Variants in PTPRT observed in about 807,000 individuals in gnomAD.
PTPRT encodes the protein receptor-type tyrosine-protein phosphatase T.
In PTPRT, 56 loss-of-function variants were observed where a neutral mutation model predicts 176.8. The ratio of observed to expected loss-of-function variants is 0.32; its 90% CI spans 0.26 to 0.40. PTPRT has a LOEUF of 0.40. Ranked by LOEUF, PTPRT falls within the 10% of genes least tolerant of loss-of-function variation. The probability of loss-of-function intolerance (pLI) is 1.00; values close to 1 mark genes in which losing one functional copy is unlikely to be tolerated. For synonymous variants in PTPRT, 783 were observed against 739.0 expected, an observed-to-expected ratio of 1.06 and a Z score of -0.96; for missense variants, 1,540 against 1,908.2, an observed-to-expected ratio of 0.81 and a Z score of 3.60.
chr20:42,846,245 G>GAA (rs1433541972), intron 2 of PTPRT, among the ~76,000 whole-genome samples: 1 of 152,204 alleles, frequency 6.6e-6, no homozygotes, highest in East Asian at 1.9e-4. Context: ...TCCTCATGCA[G>GAA]AAAGCAGCTC....
intron 9 of PTPRT, among the ~76,000 whole-genome samples, chr20:42,388,853 T>C (rs548092209): frequency 2.0e-5 from 3 of 152,318 alleles, no homozygotes; most frequent in Non-Finnish European, 2.9e-5. Context: ...CTATTCACTA[T>C]GGCAAAGACT....
At chr20:42,570,066 G>A (rs2073127439) in intron 7 of PTPRT, among the ~76,000 whole-genome samples, 1 of 152,180 alleles carries the variant, frequency 6.6e-6, no homozygotes, top group African/African-American at 2.4e-5. Context: ...ACAGGCTTCT[G>A]CTACCCCACA....
intron 16 of PTPRT, among the ~76,000 whole-genome samples, chr20:42,172,802 G>A (rs1990133256): frequency 7.0e-6 from 1 of 142,106 alleles, no homozygotes; most frequent in Admixed American, 7.3e-5. Context: ...ATGCAGAAAT[G>A]GTTACATCAC....
intron 7 of PTPRT, among the ~76,000 whole-genome samples, chr20:42,621,376 A>G (rs1052891060): frequency 3.9e-5 from 6 of 152,184 alleles, no homozygotes; most frequent in African/African-American, 1.4e-4. Flanking sequence ...GGTCTCTCCA[A>G]CAACCTCCTG....
intron 1 of PTPRT, among the ~76,000 whole-genome samples, chr20:43,106,150 G>A (rs2012595023): frequency 6.6e-6 from 1 of 152,092 alleles, no homozygotes; most frequent in African/African-American, 2.4e-5. Flanking sequence ...AGAGGTCAAA[G>A]GGTCTCTCCT....
intron 1 of PTPRT, among the ~76,000 whole-genome samples, chr20:42,981,493 A>C (rs1216305024): frequency 6.6e-6 from 1 of 152,232 alleles, no homozygotes; most frequent in Non-Finnish European, 1.5e-5. Flanking sequence ...CAGAGGCTTG[A>C]AGAAGTACTT....
chr20:42,049,013 G>A, the PTPRT span, among the ~76,000 whole-genome samples: 1 of 152,100 alleles, frequency 6.6e-6, no homozygotes, highest in Non-Finnish European at 1.5e-5. Flanking sequence ...TAGAGATGGG[G>A]TTTCACCATG....
chr20:43,085,027 A>G (rs564635088), intron 1 of PTPRT, among the ~76,000 whole-genome samples: 1 of 152,362 alleles, frequency 6.6e-6, no homozygotes, highest in South Asian at 2.1e-4. Flanking sequence ...ATGATTAGAT[A>G]CCAAAGCTTC....
At chr20:42,669,291 G>GT (rs2075373734) in intron 7 of PTPRT, among the ~76,000 whole-genome samples, 2 of 152,220 alleles carry the variant, frequency 1.3e-5, no homozygotes, top group African/African-American at 4.8e-5. Context: ...TTCGAGCATG[G>GT]TGTGGCATGC....
At chr20:42,194,435 G>A (rs1052581298) in intron 16 of PTPRT, among the ~76,000 whole-genome samples, 5 of 152,192 alleles carry the variant, frequency 3.3e-5, no homozygotes, top group Admixed American at 2.0e-4. Flanking sequence ...TACCCAGTAG[G>A]CAAGTTAATC....
chr20:42,538,509 CT>C (rs1210577007), intron 7 of PTPRT, among the ~76,000 whole-genome samples: 1 of 152,168 alleles, frequency 6.6e-6, no homozygotes, highest in East Asian at 1.9e-4. Context: ...CCTCAGCCCC[CT>C]AATCAGAGGA....
intron 2 of PTPRT, among the ~76,000 whole-genome samples, chr20:42,818,263 C>A (rs2077825805): frequency 6.6e-6 from 1 of 151,952 alleles, no homozygotes; most frequent in African/African-American, 2.4e-5. Context: ...CCCCAGCAAA[C>A]TGCAGAAGCC....
At chr20:42,781,525 T>C (rs1030325588) in intron 3 of PTPRT, among the ~76,000 whole-genome samples, 7 of 152,186 alleles carry the variant, frequency 4.6e-5, no homozygotes, top group Admixed American at 3.9e-4. Context: ...TTTTTGGTTT[T>C]CTCTGTCTAC....
At chr20:42,831,683 G>C (rs1294148644) in intron 2 of PTPRT, among the ~76,000 whole-genome samples, 1 of 152,036 alleles carries the variant, frequency 6.6e-6, no homozygotes, top group Admixed American at 6.6e-5. Context: ...ACATTTATGA[G>C]AGAAAAACAA....
At chr20:42,573,366 T>C (rs2073193009) in intron 7 of PTPRT, among the ~76,000 whole-genome samples, 1 of 152,098 alleles carries the variant, frequency 6.6e-6, no homozygotes, top group Admixed American at 6.5e-5. Flanking sequence ...CATGATGGTC[T>C]GGATAAGATA....
intron 2 of PTPRT, among the ~76,000 whole-genome samples, chr20:42,869,850 G>C (rs571135329): frequency 5.3e-5 from 8 of 152,158 alleles, no homozygotes; most frequent in Non-Finnish European, 1.0e-4. Flanking sequence ...TTACGAGTTG[G>C]GGCCTTTAGA....
intron 15 of PTPRT, among the ~76,000 whole-genome samples, chr20:42,210,143 T>C (rs2055584856): frequency 6.6e-6 from 1 of 152,236 alleles, no homozygotes; most frequent in South Asian, 2.1e-4. Context: ...TAATGGGACG[T>C]ATTTCAAAAT....
At chr20:42,825,282 G>A (rs1416112640) in intron 2 of PTPRT, among the ~76,000 whole-genome samples, 2 of 152,012 alleles carry the variant, frequency 1.3e-5, no homozygotes, top group African/African-American at 4.8e-5. Flanking sequence ...AAATATTTAG[G>A]TGAAAAATCT....
At chr20:42,049,220 T>C in the PTPRT span, among the ~76,000 whole-genome samples, 3 of 152,228 alleles carry the variant, frequency 2.0e-5, no homozygotes, top group African/African-American at 7.2e-5. Context: ...TGTGAGACAA[T>C]GACGTCCACT....
Sources: gnomAD v4.1 joint callset for allele counts (sites outside exome capture counted in the v4.1 genomes callset) on GRCh38, gnomAD v4.1.1 for gene constraint, MANE v1.5 for transcripts, NCBI Gene and HGNC (gene_info 2026-07-23, HGNC 2026-07-21) for gene names.